The following TRIP11 variants were observed in gnomAD, a reference collection of about 807,000 sequenced individuals.
TRIP11 encodes thyroid hormone receptor interactor 11, also known as thyroid receptor-interacting protein 11.
A neutral mutation model predicts 223.1 loss-of-function variants in TRIP11; 148 were observed. The observed-to-expected ratio is 0.66, with a 90% CI of 0.58 to 0.76. The LOEUF is 0.76. TRIP11 is among the 30% of genes least tolerant of loss of function. The pLI, the probability that TRIP11 is intolerant of heterozygous loss-of-function variation, is 0.00. For synonymous variants in TRIP11, 762 were observed against 772.6 expected (o/e 0.99, Z 0.23); for missense variants, 2,043 against 2,222.0 (o/e 0.92, Z 1.62).
rs1304704644 is a variant in TRIP11, at chr14:92,025,350, T to C, written c.272A>G (p.Gln91Arg). 1.2e-6 allele frequency: 2 copies of C among 1,613,710 alleles called. No homozygotes were observed. The highest frequency in any genetic ancestry group is 1.7e-5 in the Admixed American group (1 of 60,028). The change falls in exon 3 of 21, where the codon CAG becomes CGG. Residue 91 changes from glutamine to arginine, a missense_variant. Gln to Arg is a conservative substitution (Grantham distance 43, BLOSUM62 1). Transcript: ENST00000267622. ...TTGATTTCGGTAACTTGTAGATTGC[T>C]GCTTTATTTGAATCTCTGATGCTTC... The part of the protein sequence containing the change: ...KHEASEIQIK[Q>R]QSTSYRNQLQ...
chr14:92,007,171 C>A (rs967867839), intron 10 of TRIP11, among the ~76,000 whole-genome samples: 3 of 151,888 alleles, frequency 2.0e-5, no homozygotes, highest in Non-Finnish European at 4.4e-5. Flanking sequence ...ATTACAGGCA[C>A]CTGCCACCAC....
At chr14:92,014,709 TA>T (rs2057014475) in intron 6 of TRIP11, 132 bp from the exon 7 acceptor site, 3 of 913,920 alleles carry the variant, frequency 3.3e-6, no homozygotes, top group Admixed American at 6.6e-5. Context: ...TATAATAAAC[TA>T]AGTGTTTTAA....
At chr14:91,982,602 C>A (rs1373014555) in intron 16 of TRIP11, among the ~76,000 whole-genome samples, 3 of 152,180 alleles carry the variant, frequency 2.0e-5, no homozygotes, top group Non-Finnish European at 4.4e-5. Context: ...TACAGGTACC[C>A]TTGAATCCAC....
At chr14:91,999,006 C>T (rs1309146593) in intron 13 of TRIP11, among the ~76,000 whole-genome samples, 2 of 152,162 alleles carry the variant, frequency 1.3e-5, no homozygotes, top group East Asian at 1.9e-4. Context: ...GGTCAAAACA[C>T]AGACAGTTTG....
chr14:91,984,715 G>A (rs1792290352), intron 16 of TRIP11, among the ~76,000 whole-genome samples: 2 of 152,116 alleles, frequency 1.3e-5, no homozygotes. Flanking sequence ...GCAAGATAAT[G>A]CATTTTAATG....
At chr14:91,971,304 C>T (rs930973417) in intron 20 of TRIP11, among the ~76,000 whole-genome samples, 6 of 152,164 alleles carry the variant, frequency 3.9e-5, no homozygotes, top group Admixed American at 6.5e-5. Flanking sequence ...GTTCCCAAGC[C>T]GTACTTTCCT....
chr14:91,976,995 A>T (rs2056473615), intron 16 of TRIP11: 2 of 242,436 alleles, frequency 8.2e-6, no homozygotes, highest in Non-Finnish European at 1.7e-5. Context: ...TTATGCCAGA[A>T]ACGAATAGTT....
In TRIP11 at chr14:92,005,524, C is replaced by T. The variant is rs1335887976; in HGVS notation, c.2452G>A (p.Glu818Lys). The T allele has an allele frequency of 6.2e-7, 1 of 1,611,428 alleles. No individual in the cohort carries two copies. The highest frequency in any genetic ancestry group is 8.5e-7 in the Non-Finnish European group (1 of 1,179,556). The change falls in exon 11 of 21, where the codon GAA (glutamate) becomes AAA (lysine). Residue 818 changes from glutamate (E) to lysine (K), a missense_variant. By Grantham distance (56) the Glu-to-Lys change is moderately conservative. Transcript: ENST00000267622. The stretch of plus-strand genomic sequence containing the variant: ...TTTGAACTTCTTTCTTTAAGCTTTT[C>T]AATAAAAATTTCTTTCTTGTTTATA... ...QLINKKEIFI[E>K]KLKERSSKLQ...
At position 92,006,128 on chromosome 14, in the gene TRIP11, A is replaced by C. The variant is rs768207526; in HGVS notation, c.1848T>G (p.Asn616Lys). The C allele has an allele frequency of 6.2e-7, 1 of 1,609,714 alleles. No individual in the cohort carries two copies. The highest frequency in any genetic ancestry group is 8.5e-7 in the Non-Finnish European group (1 of 1,178,814). The change falls in exon 11 of 21, where the codon AAT (asparagine) becomes AAG (lysine). Residue 616 changes from asparagine to lysine, a missense_variant. By Grantham distance (94) the Asn-to-Lys change is moderately conservative. Coordinates refer to ENST00000267622, the MANE Select transcript of TRIP11 (RefSeq NM_004239.4). ...TCCTTATTCTAGAAAGCTCCTCCTC[A>C]TTTTGTCTAATATGCTCCTTAAGTT... ...NLELKEHIRQ[N>K]EEELSRIRNE...
chr14:91,973,001 TA>T (rs1431079005), intron 19 of TRIP11, 140 bp from the exon 20 acceptor site: 6 of 744,628 alleles, frequency 8.1e-6, no homozygotes, highest in Admixed American at 3.2e-5. Flanking sequence ...AAATCAGCTT[TA>T]TGAACAATTG....
At chr14:91,996,002 A>G (rs999116419) in intron 13 of TRIP11, among the ~76,000 whole-genome samples, 2 of 152,202 alleles carry the variant, frequency 1.3e-5, no homozygotes, top group African/African-American at 4.8e-5. Flanking sequence ...TTATGGTAAA[A>G]TATACATAAA....
rs1408594227 is a variant in TRIP11, at chr14:92,003,604, T to A, written c.4372A>T (p.Ile1458Phe). 1 of 1,614,184 alleles carries A rather than the reference T, an allele frequency of 6.2e-7. No individual in the cohort carries two copies. The highest frequency in any genetic ancestry group is 2.2e-5 in the East Asian group (1 of 44,870). Residue 1458 changes from isoleucine (I) to phenylalanine (F), a missense_variant, in exon 11 of 21, where the codon ATT becomes TTT. Physicochemically the swap from Ile to Phe is conservative, Grantham distance 21. Coordinates refer to ENST00000267622, the MANE Select transcript of TRIP11 (RefSeq NM_004239.4). ...TCATTTTCTCCTTTTAGTTTGCCAA[T>A]GTCCATCTCTAGAATTAATATTCTC... ...KERILILEMD[I>F]GKLKGENEKI...
chr14:92,039,472 C>A, intron 1 of TRIP11, 75 bp downstream of exon 1: 1 of 1,544,180 alleles, frequency 6.5e-7, no homozygotes, highest in South Asian at 1.1e-5. Flanking sequence ...CGTCTCCTGA[C>A]TGATGGAAGT....
intron 3 of TRIP11, among the ~76,000 whole-genome samples, chr14:92,023,046 A>G (rs1031134459): frequency 3.3e-5 from 5 of 152,252 alleles, no homozygotes; most frequent in African/African-American, 1.2e-4. Context: ...AGCTATATTT[A>G]AAAAGCTATC....
chr14:91,969,477 A>G lies in TRIP11; in HGVS notation c.*196T>C. 1.6e-6 allele frequency: 1 copy of G among 626,742 alleles called. No individual in the cohort carries two copies. Among genetic ancestry groups the G allele is most frequent in the Non-Finnish European group, 2.9e-6 (1 of 350,406 alleles). The allele number at this position is 626,742 out of a possible 1,614,324, so 38.8% of individuals were successfully genotyped here. A position where few individuals can be genotyped will look rare whatever the true frequency, so the allele number is the denominator to read the frequency against. On this transcript the variant is annotated 3_prime_UTR_variant, in exon 21 of 21. Coordinates refer to ENST00000267622, the MANE Select transcript of TRIP11 (RefSeq NM_004239.4). Reference sequence around the variant, plus strand: ...TAGGTCAAATCAGAAGGAATAAAGCAGATTATATAGCAAACACTTGCTCCT... The same window carrying G: ...TAGGTCAAATCAGAAGGAATAAAGCGGATTATATAGCAAACACTTGCTCCT...
chr14:92,025,899 C>T (rs921927363), intron 2 of TRIP11, among the ~76,000 whole-genome samples: 2 of 145,440 alleles, frequency 1.4e-5, no homozygotes, highest in Non-Finnish European at 3.0e-5. Context: ...AAAAAAAGCA[C>T]TGACCATGTT....
chr14:92,019,826 C>T (rs1349331309), intron 4 of TRIP11, among the ~76,000 whole-genome samples: 1 of 152,144 alleles, frequency 6.6e-6, no homozygotes, highest in Non-Finnish European at 1.5e-5. Context: ...TTGGTTCACA[C>T]ACAAGTTATA....
Position 91,969,285 on chromosome 14 carries a change from C to A in TRIP11, c.*388G>T. On this transcript the variant is annotated 3_prime_UTR_variant, in exon 21 of 21. Transcript: ENST00000267622. ...CCACTACTAGTATTTTTTTATTCTT[C>A]GTTTAAAAAAAAAAAACACTCTCTT... 2 of 302,214 alleles carry A rather than the reference C, an allele frequency of 6.6e-6. No individual in the cohort carries two copies. Among genetic ancestry groups the A allele is most frequent in the East Asian group, 5.4e-5 (1 of 18,396 alleles). The allele number at this position is 302,214 out of a possible 1,614,324, so 18.7% of individuals were successfully genotyped here. A position where few individuals can be genotyped will look rare whatever the true frequency, so the allele number is the denominator to read the frequency against.
At chr14:92,010,963 G>T in intron 9 of TRIP11, 23 bp downstream of exon 9, 2 of 1,606,154 alleles carry the variant, frequency 1.2e-6, no homozygotes, top group Non-Finnish European at 8.5e-7. Flanking sequence ...TTTTAATTCT[G>T]CCCCCATTTT....
Sources: gnomAD v4.1 joint callset for allele counts (sites outside exome capture counted in the v4.1 genomes callset) on GRCh38, gnomAD v4.1.1 for gene constraint, MANE v1.5 for transcripts, NCBI Gene and HGNC (gene_info 2026-07-23, HGNC 2026-07-21) for gene names.